Variants in USP49 observed in about 807,000 individuals in gnomAD.
USP49 encodes ubiquitin specific peptidase 49, also known as ubiquitin carboxyl-terminal hydrolase 49.
USP49 carries 24 observed loss-of-function variants against 58.6 expected under a neutral mutation model. The ratio of observed to expected loss-of-function variants is 0.41; its 90% confidence interval spans 0.30 to 0.58. USP49 has a LOEUF of 0.58. Ranked by LOEUF, USP49 falls within the 20% of genes least tolerant of loss-of-function variation. The probability of loss-of-function intolerance (pLI) is 0.30; values close to 1 mark genes in which losing one functional copy is unlikely to be tolerated. For synonymous variants in USP49, 408 were observed against 365.1 expected (o/e 1.12, Z -1.34); for missense variants, 703 against 866.1 (o/e 0.81, Z 2.36).
intron 3 of USP49, among the ~76,000 whole-genome samples, chr6:41,809,026 A>C (rs1190332897): frequency 2.0e-5 from 3 of 151,948 alleles, no homozygotes; most frequent in Non-Finnish European, 4.4e-5. Flanking sequence ...TGATCCTCCC[A>C]CCTCAGCCTC....
In USP49 at chr6:41,791,886, G is replaced by A. The variant is rs960333263; in HGVS notation, c.*4647C>T. The A allele has an allele frequency of 2.0e-5, 3 of 152,220 alleles. No individual in the cohort carries two copies. Among genetic ancestry groups the A allele is most frequent in the African/African-American group, 7.2e-5 (3 of 41,456 alleles). The allele number at this position is 152,220 out of a possible 1,614,324, so 9.4% of individuals were successfully genotyped here. A position where few individuals can be genotyped will look rare whatever the true frequency, so the allele number is the denominator to read the frequency against. ...CTGACTTAAAAAGTCTGAACCACCA[G>A]GAAGATGCGTACTTAACTGGTTAAA... On this transcript the variant is annotated 3_prime_UTR_variant, in exon 8 of 8. Coordinates refer to ENST00000682992, the MANE Select transcript of USP49 (RefSeq NM_001286554.2).
At chr6:41,855,629 G>A (rs1158546477) in intron 3 of USP49, among the ~76,000 whole-genome samples, 1 of 152,168 alleles carries the variant, frequency 6.6e-6, no homozygotes, top group Non-Finnish European at 1.5e-5. Context: ...AAACCTAACT[G>A]CTTACTGCCA....
intron 2 of USP49, among the ~76,000 whole-genome samples, chr6:41,891,037 G>A (rs1774803116): frequency 6.6e-6 from 1 of 152,148 alleles, no homozygotes; most frequent in Non-Finnish European, 1.5e-5. Context: ...ATACATAATC[G>A]TTACGGTGTT....
chr6:41,809,520 G>A (rs562548085), intron 3 of USP49, among the ~76,000 whole-genome samples: 9 of 151,396 alleles, frequency 5.9e-5, no homozygotes, highest in Non-Finnish European at 1.2e-4. Context: ...GCAAGACTCC[G>A]TCTCAAAAAG....
intron 3 of USP49, among the ~76,000 whole-genome samples, chr6:41,819,601 C>T (rs1044523606): frequency 2.0e-5 from 3 of 152,128 alleles, no homozygotes; most frequent in African/African-American, 7.2e-5. Context: ...CAAACACATA[C>T]ACAGATCTGA....
intron 3 of USP49, among the ~76,000 whole-genome samples, chr6:41,835,975 G>A (rs1179314449): frequency 6.6e-6 from 1 of 152,084 alleles, no homozygotes; most frequent in Non-Finnish European, 1.5e-5. Context: ...CTACTCAGGA[G>A]GCTGAGGTGA....
At chr6:41,824,335 C>T (rs1003671504) in intron 3 of USP49, among the ~76,000 whole-genome samples, 1 of 151,922 alleles carries the variant, frequency 6.6e-6, no homozygotes, top group African/African-American at 2.4e-5. Flanking sequence ...TTCTAATATC[C>T]ATTTTCTTAA....
Position 41,806,339 on chromosome 6 carries a change from CG to C in USP49, c.644del (p.Thr215SerfsTer50). The C allele has an allele frequency of 6.5e-7, 1 of 1,529,356 alleles. No homozygotes were observed. The highest frequency in any genetic ancestry group is 8.7e-7 in the Non-Finnish European group (1 of 1,149,460). The allele number at this position is 1,529,356 out of a possible 1,614,324, so 94.7% of individuals were successfully genotyped here. ...PRKSARLLLHTPRDAGPAASR... is the reference protein window; with the variant it reads ...PRKSARLLLHXPRDAGPAASR... ...AGGCAGCCGGGCCCGCGTCGCGGGG[CG>C]TGTGCAGGAGCAGCCGTGCACTCTT... On this transcript the variant is annotated frameshift_variant, in exon 4 of 8. Coordinates refer to ENST00000682992, the MANE Select transcript of USP49 (RefSeq NM_001286554.2). LOFTEE classifies it high-confidence loss of function. This position sits in a 1 kb window ranked among gnomAD's most constrained non-coding sequence, Gnocchi z 5.9.
Position 41,791,702 on chromosome 6 carries a change from C to T in USP49, c.*4831G>A, listed in dbSNP as rs1037269805. ...TGAGTCCACAAAAATGAGTGCCTGCCACAATGCTATAGTAGCTATGGTGTA... is the reference window on the plus strand; with the variant it reads ...TGAGTCCACAAAAATGAGTGCCTGCTACAATGCTATAGTAGCTATGGTGTA... On this transcript the variant is annotated 3_prime_UTR_variant, in exon 8 of 8. Transcript: ENST00000682992. 1.3e-5 allele frequency: 2 copies of T among 152,174 alleles called. No individual in the cohort carries two copies. The highest frequency in any genetic ancestry group is 2.9e-5 in the Non-Finnish European group (2 of 68,050). 9.4% of individuals were successfully genotyped at this position (152,174 alleles called of 1,614,324 possible).
chr6:41,849,396 C>G (rs902654830), intron 3 of USP49, among the ~76,000 whole-genome samples: 1 of 152,074 alleles, frequency 6.6e-6, no homozygotes, highest in Non-Finnish European at 1.5e-5. Flanking sequence ...AACAACCAGA[C>G]AGAAGATCAA....
chr6:41,799,156 A>T (rs150340995), intron 6 of USP49, among the ~76,000 whole-genome samples: 1,988 of 151,698 alleles, frequency 0.013, 27 homozygotes, highest in South Asian at 0.062. Context: ...GCTGCAGTGC[A>T]GTGGTGTGAT....
chr6:41,813,217 G>A (rs181588753), intron 3 of USP49, among the ~76,000 whole-genome samples: 299 of 152,096 alleles, frequency 2.0e-3, no homozygotes, highest in African/African-American at 5.0e-3. Context: ...CCTTTCCTTC[G>A]AAAGATTCAG....
intron 4 of USP49, among the ~76,000 whole-genome samples, chr6:41,805,359 CT>C (rs559959413): frequency 1.7e-3 from 262 of 152,230 alleles, no homozygotes; most frequent in Non-Finnish European, 2.6e-3. Context: ...TATATTACCC[CT>C]ATCTTCAATA....
chr6:41,816,852 G>A (rs572707327), intron 3 of USP49, among the ~76,000 whole-genome samples: 5 of 151,668 alleles, frequency 3.3e-5, no homozygotes, highest in Admixed American at 1.3e-4. Context: ...GCACAGGCGC[G>A]CACCACCATG....
intron 2 of USP49, among the ~76,000 whole-genome samples, chr6:41,873,288 G>A (rs1465349833): frequency 1.3e-5 from 2 of 152,164 alleles, no homozygotes; most frequent in African/African-American, 4.8e-5. Context: ...CCTTTCTTCA[G>A]GTAGGTACAC....
rs987818119 is a variant in USP49, at chr6:41,807,106, C to T, written c.-28-95G>A. 8 of 1,201,778 alleles carry T rather than the reference C, an allele frequency of 6.7e-6. No individual in the cohort carries two copies. In the African/African-American group the frequency reaches 1.3e-4, roughly 19 times the overall value. 74.4% of individuals were successfully genotyped at this position (1,201,778 alleles called of 1,614,324 possible). On this transcript the variant is annotated intron_variant, in intron 3 of 7. Coordinates refer to ENST00000682992, the MANE Select transcript of USP49 (RefSeq NM_001286554.2). The stretch of plus-strand genomic sequence containing the variant: ...AAAAAAAAAAAAAGTAAAAGGCTTG[C>T]AATTGATATTTCAACTCTAGATTCA...
At chr6:41,879,639 G>T (rs1774568568) in intron 2 of USP49, among the ~76,000 whole-genome samples, 1 of 152,174 alleles carries the variant, frequency 6.6e-6, no homozygotes, top group Non-Finnish European at 1.5e-5. Flanking sequence ...TTACTAGAGA[G>T]ACTCTGGACT....
In USP49 at chr6:41,811,781, G is replaced by A. The variant is rs576379907; in HGVS notation, c.-28-4770C>T. Among the ~76,000 whole-genome samples the A allele has an allele frequency of 2.6e-5, 4 of 152,210 alleles. No homozygotes were observed. In the South Asian group the frequency reaches 6.2e-4, roughly 24 times the overall value. ...TTAAAAGATGGAATAGTAAATAAAT[G>A]AATTTTCTTCTTGCTACTTAGTACC... On this transcript the variant is annotated intron_variant, in intron 3 of 7. Transcript: ENST00000682992.
At chr6:41,814,738 G>T (rs557080303) in intron 3 of USP49, among the ~76,000 whole-genome samples, 4 of 152,160 alleles carry the variant, frequency 2.6e-5, no homozygotes, top group Non-Finnish European at 5.9e-5. Context: ...AAGGACCGTA[G>T]AATAATCCTG....
Sources: allele counts gnomAD v4.1 joint callset (sites outside exome capture counted in the v4.1 genomes callset), GRCh38; gene constraint gnomAD v4.1.1; non-coding constraint Gnocchi (gnomAD v3.1); transcripts MANE v1.5; gene names NCBI Gene and HGNC (gene_info 2026-07-23, HGNC 2026-07-21).